Variants in TAX1BP1 observed in about 807,000 individuals in gnomAD.
TAX1BP1 encodes tax1-binding protein 1.
TAX1BP1 carries 62 observed loss-of-function variants against 97.7 expected under a neutral mutation model. That is an observed-to-expected ratio of 0.63 (90% CI 0.52 to 0.78). The LOEUF (loss-of-function observed/expected upper bound fraction) is 0.78. Among genes scored for constraint, TAX1BP1 ranks in the 30% least tolerant of loss-of-function variants. The pLI, the probability that TAX1BP1 is intolerant of heterozygous loss-of-function variation, is 0.00. For missense variants in TAX1BP1, 867 were observed against 916.1 expected, an observed-to-expected ratio of 0.95 and a Z score of 0.69; for synonymous variants, 340 against 304.2, an observed-to-expected ratio of 1.12 and a Z score of -1.23.
chr7:27,793,363 T>G, intron 10 of TAX1BP1, 151 bp downstream of exon 10: 2 of 759,362 alleles, frequency 2.6e-6, no homozygotes, highest in South Asian at 5.5e-5. Flanking sequence ...ATAACTCTTC[T>G]TTAAAAAAGT....
intron 3 of TAX1BP1, among the ~76,000 whole-genome samples, chr7:27,763,279 T>C (rs1009050807): frequency 1.3e-5 from 2 of 152,234 alleles, no homozygotes; most frequent in Non-Finnish European, 2.9e-5. Context: ...TCTTGTTGAA[T>C]ACTAAAGGCA....
At chr7:27,780,243 T>C (rs73684052) in intron 5 of TAX1BP1, among the ~76,000 whole-genome samples, 3,642 of 152,318 alleles carry the variant, frequency 0.024, 74 homozygotes, top group East Asian at 0.082. Context: ...CAAGAGTAGA[T>C]AAAAATCAAA....
chr7:27,828,634 T>C lies in TAX1BP1; in HGVS notation c.2175T>C (p.Asp725=). 1 of 1,613,764 alleles carries C rather than the reference T, an allele frequency of 6.2e-7. No individual in the cohort carries two copies. Reference sequence around the variant, plus strand: ...TTTCATTTTTCTCTTTAAGCTTTGATGTTCACAAGAAGTGTCCCCTCTGTG... The same window carrying C: ...TTTCATTTTTCTCTTTAAGCTTTGACGTTCACAAGAAGTGTCCCCTCTGTG... The part of the protein sequence containing the change: ...GTGFCFDSSF[D]VHKKCPLCEL... The change falls in exon 17 of 17, where the codon GAT becomes GAC. Residue 725 remains aspartate, a synonymous_variant. Transcript: ENST00000396319.
At chr7:27,817,158 A>C (rs1562743370) in intron 15 of TAX1BP1, 120 bp downstream of exon 15, 2 of 1,241,546 alleles carry the variant, frequency 1.6e-6, no homozygotes, top group Non-Finnish European at 1.1e-6. Flanking sequence ...GTGGAAGGAG[A>C]GTGTGTGCTT....
chr7:27,825,260 C>T (rs548005503), intron 15 of TAX1BP1, among the ~76,000 whole-genome samples: 4 of 148,592 alleles, frequency 2.7e-5, no homozygotes, highest in African/African-American at 7.4e-5. Context: ...AACTGTCAGT[C>T]GGCCTGCTTT....
At chr7:27,787,291 A>G in intron 7 of TAX1BP1, 127 bp from the exon 8 acceptor site, 2 of 809,222 alleles carry the variant, frequency 2.5e-6, no homozygotes, top group South Asian at 5.5e-5. Flanking sequence ...GGTCTCCTAA[A>G]TCCTAGTCTA....
intron 13 of TAX1BP1, among the ~76,000 whole-genome samples, chr7:27,804,487 T>C (rs1429386215): frequency 6.6e-6 from 1 of 152,232 alleles, no homozygotes; most frequent in Non-Finnish European, 1.5e-5. Context: ...ATTCTGATAC[T>C]AACTACCATG....
intron 5 of TAX1BP1, chr7:27,772,493 C>T (rs1788882988): frequency 6.6e-6 from 1 of 151,984 alleles, no homozygotes; most frequent in Non-Finnish European, 1.5e-5. Context: ...AAATTTATTG[C>T]ATTTCCATTC....
At chr7:27,755,310 T>G (rs941688162) in intron 2 of TAX1BP1, among the ~76,000 whole-genome samples, 42 of 152,202 alleles carry the variant, frequency 2.8e-4, no homozygotes, top group Non-Finnish European at 1.3e-4. Context: ...CCATATGTAA[T>G]CAGCTCATTT....
At chr7:27,785,057 G>A in intron 5 of TAX1BP1, 106 bp from the exon 6 acceptor site, 3 of 1,162,736 alleles carry the variant, frequency 2.6e-6, no homozygotes, top group East Asian at 5.3e-5. Flanking sequence ...GGGAACAAAT[G>A]TGGGATTAAA....
At chr7:27,791,936 G>A (rs377056427) in intron 8 of TAX1BP1, 70 bp from the exon 9 acceptor site, 24 of 1,498,122 alleles carry the variant, frequency 1.6e-5, no homozygotes, top group South Asian at 4.7e-5. Context: ...AAATATGTGC[G>A]AAAATTGTTT....
chr7:27,804,179 G>T (rs1009819555), intron 13 of TAX1BP1, among the ~76,000 whole-genome samples: 2 of 152,072 alleles, frequency 1.3e-5, no homozygotes, highest in African/African-American at 4.8e-5. Context: ...AAATTTGTCA[G>T]CATTTAGAAG....
chr7:27,781,724 T>A lies in TAX1BP1; in HGVS notation c.613-3439T>A, dbSNP rs1285588223. Among the ~76,000 whole-genome samples the A allele has an allele frequency of 3.3e-5, 5 of 151,988 alleles. No individual in the cohort carries two copies. In the East Asian group the frequency reaches 5.8e-4, roughly 18 times the overall value. ...ACTAAATTAATTAATTAATTAATTTTTTTTTTTGAGACGGAGTCTTACTCT... is the reference window on the plus strand; with the variant it reads ...ACTAAATTAATTAATTAATTAATTTATTTTTTTGAGACGGAGTCTTACTCT... On this transcript the variant is annotated intron_variant, in intron 5 of 16. Transcript: ENST00000396319.
At chr7:27,766,477 T>A (rs1788648107) in intron 4 of TAX1BP1, among the ~76,000 whole-genome samples, 1 of 141,026 alleles carries the variant, frequency 7.1e-6, no homozygotes, top group African/African-American at 2.7e-5. Flanking sequence ...CGAATGCTTT[T>A]TAACTAAAAT....
chr7:27,810,039 C>T (rs1002485883), intron 13 of TAX1BP1, among the ~76,000 whole-genome samples: 1 of 151,914 alleles, frequency 6.6e-6, no homozygotes, highest in African/African-American at 2.4e-5. Context: ...TCCTGGGTAG[C>T]TGGGACTACA....
intron 3 of TAX1BP1, among the ~76,000 whole-genome samples, chr7:27,759,408 C>T (rs1788344180): frequency 6.6e-6 from 1 of 151,960 alleles, no homozygotes; most frequent in Non-Finnish European, 1.5e-5. Context: ...TGACAAAAAT[C>T]ACAAATACTG....
At chr7:27,795,996 G>A in intron 11 of TAX1BP1, 120 bp from the exon 12 acceptor site, 2 of 676,866 alleles carry the variant, frequency 3.0e-6, no homozygotes, top group Non-Finnish European at 5.1e-6. Flanking sequence ...AGATATTTCT[G>A]TCCTTCAGCA....
intron 2 of TAX1BP1, among the ~76,000 whole-genome samples, chr7:27,750,639 A>G (rs1311580742): frequency 1.3e-5 from 2 of 152,228 alleles, no homozygotes; most frequent in Non-Finnish European, 2.9e-5. Context: ...TCTGAAGGAC[A>G]GTGGGAAGTC....
chr7:27,820,972 T>C (rs1352721396), intron 15 of TAX1BP1, among the ~76,000 whole-genome samples: 2 of 152,198 alleles, frequency 1.3e-5, no homozygotes, highest in Non-Finnish European at 2.9e-5. Context: ...AAATCCAAAG[T>C]CCACAGTGCT....
Sources: gnomAD v4.1 joint callset for allele counts (sites outside exome capture counted in the v4.1 genomes callset) on GRCh38, gnomAD v4.1.1 for gene constraint, MANE v1.5 for transcripts, NCBI Gene and HGNC (gene_info 2026-07-23, HGNC 2026-07-21) for gene names.